Variants in IGFBP3 observed in about 807,000 individuals in gnomAD.
IGFBP3 encodes the protein insulin-like growth factor-binding protein 3.
A neutral mutation model predicts 28.6 loss-of-function variants in IGFBP3; 9 were observed. The ratio of observed to expected loss-of-function variants is 0.31; its 90% CI spans 0.19 to 0.55. The LOEUF (loss-of-function observed/expected upper bound fraction) is 0.55, where lower values mean the gene tolerates loss of function less well. IGFBP3 is among the 20% of genes least tolerant of loss of function. The probability of loss-of-function intolerance (pLI) is 0.93; values close to 1 mark genes in which losing one functional copy is unlikely to be tolerated. For synonymous variants in IGFBP3, 185 were observed against 188.2 expected (o/e 0.98, Z 0.14); for missense variants, 382 against 428.9 (o/e 0.89, Z 0.97).
At chr7:45,919,175 G>A (rs188773670) in intron 1 of IGFBP3, among the ~76,000 whole-genome samples, 1 of 152,166 alleles carries the variant, frequency 6.6e-6, no homozygotes, top group Admixed American at 6.5e-5. Flanking sequence ...TTTGACTGTC[G>A]AAAATTTACC....
Position 45,916,562 on chromosome 7 carries a change from A to G in IGFBP3, c.736T>C (p.Tyr246His). Residue 246 changes from tyrosine (Y) to histidine (H), a missense_variant, in exon 3 of 5, where the codon TAT becomes CAT. By Grantham distance (83) the Tyr-to-His change is moderately conservative (BLOSUM62 2). Coordinates refer to ENST00000613132, the MANE Select transcript of IGFBP3 (RefSeq NM_000598.5). ...HIPNCDKKGF[Y>H]KKKQCRPSKG... ...ACCTCACTCACCTGCTTTTTCTTAT[A>G]AAATCCCTTCTTGTCACAGTTGGGA... 6.2e-7 allele frequency: 1 copy of G among 1,611,404 alleles called. No individual in the cohort carries two copies. The highest frequency in any genetic ancestry group is 8.5e-7 in the Non-Finnish European group (1 of 1,177,824).
chr7:45,919,441 C>T (rs1254474892), intron 1 of IGFBP3, among the ~76,000 whole-genome samples: 2 of 152,210 alleles, frequency 1.3e-5, no homozygotes, highest in Non-Finnish European at 2.9e-5. Context: ...TGACCAGAGC[C>T]AGTGTATGTT....
chr7:45,914,909 A>G lies in IGFBP3; in HGVS notation c.787T>C (p.Trp263Arg). The change falls in exon 4 of 5, where the codon TGG becomes CGG. Residue 263 changes from tryptophan to arginine, a missense_variant. Physicochemically the swap from Trp to Arg is moderately radical, Grantham distance 101. Coordinates refer to ENST00000613132, the MANE Select transcript of IGFBP3 (RefSeq NM_000598.5). ...PSKGRKRGFC[W>R]CVDKYGQPLP... ...GGCTGCCCATACTTATCCACACACC[A>G]GCAGAAGCCCCGCTTCCTGCCTTTG... 1 of 1,614,094 alleles carries G rather than the reference A, an allele frequency of 6.2e-7. No homozygotes were observed. Among genetic ancestry groups the G allele is most frequent in the East Asian group, 2.2e-5 (1 of 44,872 alleles).
chr7:45,914,782 G>T (rs1346834107), intron 4 of IGFBP3, 23 bp downstream of exon 4: 1 of 1,610,348 alleles, frequency 6.2e-7, no homozygotes, highest in East Asian at 2.2e-5. Flanking sequence ...TGGAGCCCCA[G>T]GCTGCCCCTC....
intron 3 of IGFBP3, 132 bp from the exon 4 acceptor site, chr7:45,915,077 G>A: frequency 9.0e-7 from 1 of 1,110,696 alleles, no homozygotes; most frequent in Non-Finnish European, 1.3e-6. Flanking sequence ...TTTCAGCTAA[G>A]GCAACACAAG....
At chr7:45,918,317 A>G (rs1784641097) in intron 1 of IGFBP3, among the ~76,000 whole-genome samples, 1 of 152,222 alleles carries the variant, frequency 6.6e-6, no homozygotes, top group Non-Finnish European at 1.5e-5. Context: ...CCCCTCCAGC[A>G]GATCTCCCTT....
At chr7:45,917,116 C>T in intron 2 of IGFBP3, 97 bp downstream of exon 2, 1 of 979,988 alleles carries the variant, frequency 1.0e-6, no homozygotes, top group East Asian at 2.4e-5. Flanking sequence ...CAGCCAGGCG[C>T]TGGGGTTTGT....
rs1562578792 is a variant in IGFBP3 at position 45,912,423 on chromosome 7, T to TC, written c.*1426dup. On this transcript the variant is annotated 3_prime_UTR_variant, in exon 5 of 5. Coordinates refer to ENST00000613132, the MANE Select transcript of IGFBP3 (RefSeq NM_000598.5). ...AAGACAAACTTCTCAAAAATACTTTTCCCCCCAAAAAGTTAAAAAAATAAA... is the reference window on the plus strand; with the variant it reads ...AAGACAAACTTCTCAAAAATACTTTTCCCCCCCAAAAAGTTAAAAAAATAAA... 1 of 151,888 alleles carries TC rather than the reference T, an allele frequency of 6.6e-6. No homozygotes were observed. The highest frequency in any genetic ancestry group is 6.6e-5 in the Admixed American group (1 of 15,248). The allele number at this position is 151,888 out of a possible 1,614,324, so 9.4% of individuals were successfully genotyped here.
chr7:45,918,571 G>A (rs1260279123), intron 1 of IGFBP3, among the ~76,000 whole-genome samples: 1 of 152,172 alleles, frequency 6.6e-6, no homozygotes, highest in African/African-American at 2.4e-5. Context: ...TGGAGGCATC[G>A]GCTTAAGTCC....
chr7:45,916,962 T>C, intron 2 of IGFBP3: 1 of 572,088 alleles, frequency 1.7e-6, no homozygotes, highest in South Asian at 2.3e-5. Context: ...TTTCATTATC[T>C]GCAGAGGTCT....
At chr7:45,919,974 CTT>C (rs1784662092) in intron 1 of IGFBP3, 1 of 151,330 alleles carries the variant, frequency 6.6e-6, no homozygotes, top group Non-Finnish European at 1.5e-5. Context: ...TTCCAATTCC[CTT>C]CCGTGTCATT....
At chr7:45,916,979 C>T (rs1784616858) in intron 2 of IGFBP3, 4 of 577,810 alleles carry the variant, frequency 6.9e-6, no homozygotes, top group Middle Eastern at 4.6e-4. Flanking sequence ...GTCTTTATGA[C>T]ATCCCATATG....
rs11537915 is a variant in IGFBP3, at chr7:45,912,462, G to A, written c.*1388C>T. Reference sequence around the variant, plus strand: ...TAAAAAAATAAAGAAAAGCTAATAGGTAGGCAGAATGTCTTGAGACCCCTC... The same window carrying A: ...TAAAAAAATAAAGAAAAGCTAATAGATAGGCAGAATGTCTTGAGACCCCTC... On this transcript the variant is annotated 3_prime_UTR_variant, in exon 5 of 5. Coordinates refer to ENST00000613132, the MANE Select transcript of IGFBP3 (RefSeq NM_000598.5). The A allele has an allele frequency of 1.3e-3, 202 of 152,244 alleles. 1 individual carries two copies. Among genetic ancestry groups the A allele is most frequent in the African/African-American group, 4.7e-3 (196 of 41,538 alleles). 9.4% of individuals were successfully genotyped at this position (152,244 alleles called of 1,614,324 possible).
In IGFBP3 at chr7:45,920,782, A is replaced by G. The variant is rs1784675566; in HGVS notation, c.359T>C (p.Val120Ala). 2.1e-6 allele frequency: 3 copies of G among 1,422,400 alleles called. No homozygotes were observed. The highest frequency in any genetic ancestry group is 2.7e-6 in the Non-Finnish European group (3 of 1,097,274). 88.1% of individuals were successfully genotyped at this position (1,422,400 alleles called of 1,614,324 possible). ...GRGLCVNASA[V>A]SRLRAYLLPA... ...CAGCAGGTAGGCGCGCAGGCGGCTG[A>G]CGGCACTAGCGTTGACGCAGAGCCC... Residue 120 changes from valine (V) to alanine (A), a missense_variant, in exon 1 of 5, where the codon GTC (valine) becomes GCC (alanine). By Grantham distance (64) the Val-to-Ala change is moderately conservative. Coordinates refer to ENST00000613132, the MANE Select transcript of IGFBP3 (RefSeq NM_000598.5).
At chr7:45,917,588 A>T in intron 1 of IGFBP3, 149 bp from the exon 2 acceptor site, 1 of 632,702 alleles carries the variant, frequency 1.6e-6, no homozygotes. Context: ...TACCTCGATG[A>T]AGTATTATTC....
chr7:45,912,590 TCC>T lies in IGFBP3; in HGVS notation c.*1258_*1259del, dbSNP rs1043550911. 5 of 152,730 alleles carry T rather than the reference TCC, an allele frequency of 3.3e-5. No individual in the cohort carries two copies. Among genetic ancestry groups the T allele is most frequent in the Middle Eastern group, 6.8e-3 (2 of 294 alleles). 9.5% of individuals were successfully genotyped at this position (152,730 alleles called of 1,614,324 possible). ...TTGCCAGACCTTCTTGGGTTTGGCC[TCC>T]GGGAGAGCAGCCCAGTCTCTGGGCG... is the stretch of plus-strand genomic sequence containing the variant. On this transcript the variant is annotated 3_prime_UTR_variant, in exon 5 of 5. Coordinates refer to ENST00000613132, the MANE Select transcript of IGFBP3 (RefSeq NM_000598.5).
At chr7:45,915,118 C>T (rs1037837449) in intron 3 of IGFBP3, 173 bp from the exon 4 acceptor site, 22 of 659,658 alleles carry the variant, frequency 3.3e-5, no homozygotes, top group East Asian at 1.2e-4. Flanking sequence ...GCTGAGTGTG[C>T]GCCTGTGCAT....
At position 45,921,247 on chromosome 7, in the gene IGFBP3, A is replaced by C; in HGVS notation, c.-107T>G. The C allele has an allele frequency of 6.1e-6, 8 of 1,311,144 alleles. No homozygotes were observed. Among genetic ancestry groups the C allele is most frequent in the South Asian group, 1.3e-5 (1 of 78,280 alleles). The allele number at this position is 1,311,144 out of a possible 1,614,324, so 81.2% of individuals were successfully genotyped here. A position where few individuals can be genotyped will look rare whatever the true frequency, so the allele number is the denominator to read the frequency against. On this transcript the variant is annotated 5_prime_UTR_variant, in exon 1 of 5. Coordinates refer to ENST00000613132, the MANE Select transcript of IGFBP3 (RefSeq NM_000598.5). ...TCCAGGCAGGAAGCGGCTGATCCTC[A>C]GCGCCCAGCCGCAGTGCTCGCATCT...
chr7:45,914,897 T>C lies in IGFBP3; in HGVS notation c.799A>G (p.Lys267Glu), dbSNP rs781199030. 3 of 1,614,090 alleles carry C rather than the reference T, an allele frequency of 1.9e-6. No homozygotes were observed. Among genetic ancestry groups the C allele is most frequent in the Non-Finnish European group, 2.5e-6 (3 of 1,179,978 alleles). The change falls in exon 4 of 5, where the codon AAG becomes GAG. Residue 267 changes from lysine (K) to glutamate (E), a missense_variant. Lys to Glu is a moderately conservative substitution (Grantham distance 56, BLOSUM62 1). Transcript: ENST00000613132. ...TAGCCTGGGAGAGGCTGCCCATACT[T>C]ATCCACACACCAGCAGAAGCCCCGC... ...RKRGFCWCVD[K>E]YGQPLPGYTT...
Sources: gnomAD v4.1 joint callset for allele counts (sites outside exome capture counted in the v4.1 genomes callset) on GRCh38, gnomAD v4.1.1 for gene constraint, MANE v1.5 for transcripts, NCBI Gene and HGNC (gene_info 2026-07-23, HGNC 2026-07-21) for gene names.